SRGAP2C: variants seen among roughly 807,000 people sequenced by gnomAD.
SRGAP2C encodes the protein SLIT-ROBO Rho GTPase activating protein 2C.
A neutral mutation model predicts 25.1 loss-of-function variants in SRGAP2C; 15 were observed. The ratio of observed to expected loss-of-function variants is 0.60; its 90% CI spans 0.40 to 0.92. The LOEUF is 0.92. Among genes scored for constraint, SRGAP2C ranks in the 40% least tolerant of loss-of-function variants. The pLI, the probability that SRGAP2C is intolerant of heterozygous loss-of-function variation, is 0.00. For missense variants in SRGAP2C, 144 were observed against 264.4 expected, an observed-to-expected ratio of 0.54 and a Z score of 3.16; for synonymous variants, 44 against 96.6, an observed-to-expected ratio of 0.46 and a Z score of 3.19.
intron 4 of SRGAP2C, among the ~76,000 whole-genome samples, chr1:121,329,356 G>A (rs1658386771): frequency 1.3e-5 from 2 of 149,182 alleles, no homozygotes; most frequent in African/African-American, 4.9e-5. Flanking sequence ...AGAAAATCCT[G>A]GATTTTCTCT....
chr1:121,231,608 A>G (rs1292482594), intron 2 of SRGAP2C, among the ~76,000 whole-genome samples: 1 of 151,672 alleles, frequency 6.6e-6, no homozygotes, highest in Non-Finnish European at 1.5e-5. Flanking sequence ...CCACTCTTTA[A>G]TCATAAAGTC....
chr1:121,343,390 T>C (rs1347948543), intron 4 of SRGAP2C, among the ~76,000 whole-genome samples: 1 of 151,880 alleles, frequency 6.6e-6, no homozygotes, highest in Non-Finnish European at 1.5e-5. Context: ...AAGTTATCAG[T>C]GCGTATCCCC....
chr1:121,309,324 A>AT (rs1467298631), intron 3 of SRGAP2C, among the ~76,000 whole-genome samples: 1 of 139,592 alleles, frequency 7.2e-6, no homozygotes, highest in Non-Finnish European at 1.5e-5. Flanking sequence ...ACAGTTATTC[A>AT]TTTTTGTTTA....
Position 121,208,098 on chromosome 1 carries a change from T to C in SRGAP2C, c.67+20585T>C, listed in dbSNP as rs587771661. Among the ~76,000 whole-genome samples the C allele has an allele frequency of 1.9e-4, 29 of 152,236 alleles. 1 individual carries two copies. The East Asian group carries it at 4.4e-3, about 23-fold the overall frequency. ...TCTAGGAGTTGCTGTGTTGACTAAA[T>C]GAAGTAATGCTTGTGTATCAGCTTT... is the stretch of plus-strand genomic sequence containing the variant. On this transcript the variant is annotated intron_variant, in intron 2 of 9. Transcript: ENST00000367123.
intron 3 of SRGAP2C, among the ~76,000 whole-genome samples, chr1:121,305,018 G>A (rs1187329613): frequency 2.0e-5 from 3 of 151,966 alleles, no homozygotes; most frequent in African/African-American, 7.3e-5. Flanking sequence ...AGTCAGTGAT[G>A]GGGACATAGG....
intron 3 of SRGAP2C, among the ~76,000 whole-genome samples, chr1:121,322,887 A>C (rs1658241030): frequency 6.6e-6 from 1 of 152,172 alleles, no homozygotes; most frequent in Non-Finnish European, 1.5e-5. Context: ...CTCTCAACTC[A>C]CTTTCTTTGT....
At chr1:121,228,913 G>C (rs1570721322) in intron 2 of SRGAP2C, among the ~76,000 whole-genome samples, 2 of 152,058 alleles carry the variant, frequency 1.3e-5, no homozygotes, top group South Asian at 4.2e-4. Flanking sequence ...CCTCCATACT[G>C]TGGGGGTGTT....
At chr1:121,383,500 A>G (rs1553355630) in intron 8 of SRGAP2C, among the ~76,000 whole-genome samples, 4 of 146,012 alleles carry the variant, frequency 2.7e-5, no homozygotes, top group African/African-American at 1.0e-4. Flanking sequence ...TTGGGTATTG[A>G]ATAAAAAAGA....
In SRGAP2C at chr1:121,390,596, C is replaced by A. The variant is rs1390251040; in HGVS notation, c.*2741C>A. 1 of 75,434 alleles carries A rather than the reference C, an allele frequency of 1.3e-5. No individual in the cohort carries two copies. The highest frequency in any genetic ancestry group is 2.5e-5 in the Non-Finnish European group (1 of 39,446). The allele number at this position is 75,434 out of a possible 1,614,324, so 4.7% of individuals were successfully genotyped here. On this transcript the variant is annotated 3_prime_UTR_variant, in exon 10 of 10. Transcript: ENST00000367123. ...CTGACCACTTGTGGCTGTCATTGGA[C>A]TGATTTGCCCAGATGACATCAATTG...
chr1:121,303,686 A>T (rs1163781160), intron 3 of SRGAP2C, among the ~76,000 whole-genome samples: 1 of 149,404 alleles, frequency 6.7e-6, no homozygotes, highest in African/African-American at 2.5e-5. Flanking sequence ...ACACACACCC[A>T]TGTACTTCTA....
Position 121,223,095 on chromosome 1 carries a change from C to T in SRGAP2C, c.67+35582C>T, listed in dbSNP as rs369270672. Among the ~76,000 whole-genome samples, 169 of 152,016 alleles carry T rather than the reference C, an allele frequency of 1.1e-3. 4 individuals are homozygous for T. In the South Asian group the frequency reaches 0.034, roughly 31 times the overall value. ...CAGTATGGTGCTTGGGTCAGTGTCT[C>T]TTTAGAAATTAATGTATAGATAAAA... On this transcript the variant is annotated intron_variant, in intron 2 of 9. Coordinates refer to ENST00000367123, the MANE Select transcript of SRGAP2C (RefSeq NM_001329984.2).
intron 3 of SRGAP2C, among the ~76,000 whole-genome samples, chr1:121,312,279 A>G (rs1657981659): frequency 2.1e-5 from 1 of 47,654 alleles, no homozygotes; most frequent in Non-Finnish European, 4.3e-5. Flanking sequence ...TATCCCCTTT[A>G]TCATTTTTTA....
At chr1:121,339,897 C>CT (rs1189274963) in intron 4 of SRGAP2C, among the ~76,000 whole-genome samples, 1 of 97,522 alleles carries the variant, frequency 1.0e-5, no homozygotes, top group African/African-American at 4.1e-5. Context: ...TACTCATACC[C>CT]TCACTGTTCC....
intron 4 of SRGAP2C, among the ~76,000 whole-genome samples, chr1:121,359,511 T>G (rs1553348131): frequency 6.6e-6 from 1 of 152,116 alleles, no homozygotes; most frequent in Non-Finnish European, 1.5e-5. Flanking sequence ...CAAGCATACC[T>G]GTTACCAGCT....
At chr1:121,259,432 A>T (rs1168910063) in intron 2 of SRGAP2C, among the ~76,000 whole-genome samples, 1 of 131,152 alleles carries the variant, frequency 7.6e-6, no homozygotes, top group Non-Finnish European at 1.6e-5. Flanking sequence ...GTGAGCCAAG[A>T]TCATGCCACT....
chr1:121,222,584 G>A lies in SRGAP2C; in HGVS notation c.67+35071G>A, dbSNP rs139840360. ...GTCGAGGCTACGGTGCTGTAATCATGCCTCTACACTCTGGCCTGGGTGAAA... is the reference window on the plus strand; with the variant it reads ...GTCGAGGCTACGGTGCTGTAATCATACCTCTACACTCTGGCCTGGGTGAAA... On this transcript the variant is annotated intron_variant, in intron 2 of 9. Coordinates refer to ENST00000367123, the MANE Select transcript of SRGAP2C (RefSeq NM_001329984.2). Among the ~76,000 whole-genome samples the A allele has an allele frequency of 1.2e-3, 182 of 152,250 alleles. 2 individuals carry two copies. The highest frequency in any genetic ancestry group is 0.01 in the East Asian group (53 of 5,170).
chr1:121,335,245 G>A (rs1193781318), intron 4 of SRGAP2C, among the ~76,000 whole-genome samples: 1 of 149,974 alleles, frequency 6.7e-6, no homozygotes, highest in Non-Finnish European at 1.5e-5. Context: ...AGAGGCTGAG[G>A]CAGGAGAATC....
At chr1:121,193,678 T>TTC (rs1654756078) in intron 2 of SRGAP2C, among the ~76,000 whole-genome samples, 1 of 54,760 alleles carries the variant, frequency 1.8e-5, no homozygotes, top group Non-Finnish European at 3.2e-5. Flanking sequence ...TTTTTTTTTT[T>TTC]TTTTTTTTTT....
intron 3 of SRGAP2C, among the ~76,000 whole-genome samples, chr1:121,289,001 T>G (rs1553337228): frequency 5.2e-4 from 76 of 145,696 alleles, no homozygotes; most frequent in African/African-American, 1.8e-3. Flanking sequence ...ATATAAAGAC[T>G]CTCCACGTCC....
Sources: allele counts gnomAD v4.1 joint callset (sites outside exome capture counted in the v4.1 genomes callset), GRCh38; gene constraint gnomAD v4.1.1; transcripts MANE v1.5; gene names NCBI Gene and HGNC (gene_info 2026-07-23, HGNC 2026-07-21).